Variants in MTHFD2L observed in about 807,000 individuals in gnomAD.
MTHFD2L encodes methylenetetrahydrofolate dehydrogenase (NADP+ dependent) 2 like.
A neutral mutation model predicts 34.9 loss-of-function variants in MTHFD2L; 29 were observed. That is an observed-to-expected ratio of 0.83 (90% CI 0.62 to 1.13). The LOEUF is 1.13. Among genes scored for constraint, MTHFD2L ranks in the 50% most tolerant of loss-of-function variants. The probability of loss-of-function intolerance (pLI) is 0.00; values close to 1 mark genes in which losing one functional copy is unlikely to be tolerated. For synonymous variants in MTHFD2L, 167 were observed against 155.7 expected (o/e 1.07, Z -0.54); for missense variants, 481 against 446.5 (o/e 1.08, Z -0.70).
At chr4:74,260,966 G>A (rs184647929) in intron 6 of MTHFD2L, among the ~76,000 whole-genome samples, 168 of 150,404 alleles carry the variant, frequency 1.1e-3, no homozygotes, top group Admixed American at 4.2e-3. Flanking sequence ...TCAATATTTG[G>A]TGCTTTAAAA....
intron 1 of MTHFD2L, among the ~76,000 whole-genome samples, chr4:74,145,350 A>G (rs1244685817): frequency 6.6e-6 from 1 of 152,210 alleles, no homozygotes; most frequent in Non-Finnish European, 1.5e-5. Context: ...TAAAATATAC[A>G]GGAGGATGTG....
At chr4:74,189,462 T>C (rs1489703989) in intron 3 of MTHFD2L, among the ~76,000 whole-genome samples, 3 of 147,350 alleles carry the variant, frequency 2.0e-5, no homozygotes, top group Middle Eastern at 7.2e-3. Context: ...GATGGCAGCA[T>C]TGAGCAAGCA....
intron 1 of MTHFD2L, among the ~76,000 whole-genome samples, chr4:74,159,211 A>C (rs1012864302): frequency 8.5e-5 from 13 of 152,208 alleles, no homozygotes; most frequent in Non-Finnish European, 2.9e-5. Context: ...CTGAATTTAA[A>C]AATTACTTCC....
intron 6 of MTHFD2L, among the ~76,000 whole-genome samples, chr4:74,260,049 C>T (rs917551158): frequency 2.0e-5 from 3 of 152,166 alleles, no homozygotes; most frequent in African/African-American, 7.2e-5. Flanking sequence ...CATTGCCATG[C>T]CAAACCCTCT....
At chr4:74,147,724 C>T (rs538775) in intron 1 of MTHFD2L, among the ~76,000 whole-genome samples, 28,610 of 152,066 alleles carry the variant, frequency 0.19, 5,978 homozygotes, top group African/African-American at 0.52. Flanking sequence ...GCCATCCTAA[C>T]GGACATGAGG....
intron 7 of MTHFD2L, among the ~76,000 whole-genome samples, chr4:74,291,127 C>T (rs1462967034): frequency 1.4e-5 from 2 of 145,632 alleles, no homozygotes; most frequent in East Asian, 2.2e-4. Context: ...AAGCAATTCT[C>T]CTGCCTCAGC....
intron 3 of MTHFD2L, among the ~76,000 whole-genome samples, chr4:74,187,592 A>T (rs1285729891): frequency 6.6e-6 from 1 of 152,178 alleles, no homozygotes; most frequent in Admixed American, 6.6e-5. Context: ...GAATGGCTGA[A>T]ATTAAAATAT....
At chr4:74,149,368 G>GA (rs1313245480) in intron 1 of MTHFD2L, among the ~76,000 whole-genome samples, 2 of 151,620 alleles carry the variant, frequency 1.3e-5, no homozygotes, top group Non-Finnish European at 2.9e-5. Flanking sequence ...ATAGGCTGCT[G>GA]AAAAACTAAA....
At chr4:74,157,786 G>A (rs1386576959), upstream of MTHFD2L, 1 of 496,846 alleles carries the variant, frequency 2.0e-6, no homozygotes, top group South Asian at 1.5e-5. Context: ...AGTGGGGCGT[G>A]CTGCCTAAAG....
At position 74,201,172 on chromosome 4, in the gene MTHFD2L, A is replaced by T. The variant is rs377314706; in HGVS notation, c.605-91A>T. On this transcript the variant is annotated intron_variant, in intron 4 of 7. Coordinates refer to ENST00000325278, the MANE Select transcript of MTHFD2L (RefSeq NM_001144978.3). ...CATAATAATTCAGATTTAATTAGAA[A>T]TTTTTAAAAGAATGTTTCAGTTGGC... 11 of 861,504 alleles carry T rather than the reference A, an allele frequency of 1.3e-5. No individual in the cohort carries two copies. The East Asian group carries it at 2.1e-4, about 17-fold the overall frequency. The allele number at this position is 861,504 out of a possible 1,614,324, so 53.4% of individuals were successfully genotyped here.
At chr4:74,151,143 C>T (rs1723913422) in intron 1 of MTHFD2L, among the ~76,000 whole-genome samples, 4 of 151,902 alleles carry the variant, frequency 2.6e-5, no homozygotes, top group South Asian at 4.2e-4. Flanking sequence ...TATTCTAAAC[C>T]AGGTGCACTT....
rs569725921 is a variant in MTHFD2L at position 74,262,407 on chromosome 4, A to G, written c.806-19018A>G. ...ATAAACAGAAAAGCTGGAGGTATAT[A>G]TATATAATTCCTAAAATCTATGGAA... On this transcript the variant is annotated intron_variant, in intron 6 of 7. Coordinates refer to ENST00000325278, the MANE Select transcript of MTHFD2L (RefSeq NM_001144978.3). Among the ~76,000 whole-genome samples, 241 of 152,086 alleles carry G rather than the reference A, an allele frequency of 1.6e-3. 2 individuals are homozygous for G. The highest frequency in any genetic ancestry group is 2.4e-3 in the Non-Finnish European group (162 of 67,860).
chr4:74,134,234 C>T (rs1578234223), intron 1 of MTHFD2L, among the ~76,000 whole-genome samples: 2 of 152,162 alleles, frequency 1.3e-5, no homozygotes, highest in Admixed American at 6.5e-5. Flanking sequence ...CTACCATCCT[C>T]AGCCGTAAAA....
intron 1 of MTHFD2L, among the ~76,000 whole-genome samples, chr4:74,152,760 T>C (rs1465841404): frequency 6.6e-6 from 1 of 152,170 alleles, no homozygotes; most frequent in Non-Finnish European, 1.5e-5. Flanking sequence ...CGCTTATGCA[T>C]GAGAACATGC....
upstream of MTHFD2L, among the ~76,000 whole-genome samples, chr4:74,121,501 C>T (rs1721757954): frequency 6.7e-6 from 1 of 150,216 alleles, no homozygotes; most frequent in Non-Finnish European, 1.5e-5. Context: ...CACTGCCTCC[C>T]ATCACCTGCA....
At chr4:74,193,382 G>A (rs1732908931) in intron 3 of MTHFD2L, among the ~76,000 whole-genome samples, 1 of 151,466 alleles carries the variant, frequency 6.6e-6, no homozygotes, top group African/African-American at 2.4e-5. Flanking sequence ...TTGAAGTCAG[G>A]TATTATAAAT....
At chr4:74,291,900 C>T (rs1420669118) in intron 7 of MTHFD2L, among the ~76,000 whole-genome samples, 1 of 152,180 alleles carries the variant, frequency 6.6e-6, no homozygotes, top group Non-Finnish European at 1.5e-5. Context: ...GCTAATCAGT[C>T]TGACTCAAAA....
At chr4:74,275,997 G>T (rs1351851933) in intron 6 of MTHFD2L, among the ~76,000 whole-genome samples, 4 of 152,056 alleles carry the variant, frequency 2.6e-5, no homozygotes, top group Non-Finnish European at 5.9e-5. Flanking sequence ...ATTGCTTTTG[G>T]TGATTTCATT....
At chr4:74,127,143 T>C (rs1014248859) in intron 1 of MTHFD2L, among the ~76,000 whole-genome samples, 3 of 152,198 alleles carry the variant, frequency 2.0e-5, no homozygotes, top group African/African-American at 4.8e-5. Flanking sequence ...TATGCCTCTT[T>C]TCTTTATAAA....
Sources: allele counts gnomAD v4.1 joint callset (sites outside exome capture counted in the v4.1 genomes callset), GRCh38; gene constraint gnomAD v4.1.1; transcripts MANE v1.5; gene names NCBI Gene and HGNC (gene_info 2026-07-23, HGNC 2026-07-21).